The following PTK2 variants were observed in gnomAD, a reference collection of about 807,000 sequenced individuals.
PTK2 encodes protein tyrosine kinase 2.
Under a neutral mutation model 150.1 loss-of-function variants are expected in PTK2, and 45 were observed. The observed-to-expected ratio is 0.30, with a 90% CI of 0.24 to 0.38. The LOEUF (loss-of-function observed/expected upper bound fraction) is 0.38, where lower values mean the gene tolerates loss of function less well. PTK2 is among the 10% of genes least tolerant of loss of function. The pLI is 1.00. For synonymous variants in PTK2, 432 were observed against 449.2 expected (o/e 0.96, Z 0.48); for missense variants, 919 against 1,307.3 (o/e 0.70, Z 4.58).
intron 1 of PTK2, chr8:140,954,813 C>T (rs1028455037): frequency 1.3e-5 from 2 of 152,114 alleles, no homozygotes; most frequent in African/African-American, 4.8e-5. Flanking sequence ...ATTTCTCTTT[C>T]CTCTTTCCAT....
chr8:140,856,566 T>G (rs2100132774), intron 5 of PTK2, among the ~76,000 whole-genome samples: 1 of 152,074 alleles, frequency 6.6e-6, no homozygotes, highest in African/African-American at 2.4e-5. Flanking sequence ...TTCTAAAACA[T>G]GCAAAACTAA....
chr8:140,950,181 G>C (rs763324200), intron 1 of PTK2, among the ~76,000 whole-genome samples: 3 of 152,148 alleles, frequency 2.0e-5, no homozygotes, highest in Non-Finnish European at 1.5e-5. Context: ...AAGAACTCGA[G>C]ACCTGCCAAA....
intron 27 of PTK2, among the ~76,000 whole-genome samples, chr8:140,682,443 T>C (rs146302775): frequency 6.6e-6 from 1 of 152,308 alleles, no homozygotes; most frequent in East Asian, 1.9e-4. Context: ...CTAATATGTG[T>C]ATATATTTCT....
chr8:140,990,225 T>C (rs1387992468), intron 1 of PTK2, among the ~76,000 whole-genome samples: 1 of 138,158 alleles, frequency 7.2e-6, no homozygotes, highest in Admixed American at 7.4e-5. Flanking sequence ...TTAACTCTCC[T>C]TGACCAATTT....
At chr8:140,808,897 T>C (rs1048612155) in intron 10 of PTK2, among the ~76,000 whole-genome samples, 1 of 152,124 alleles carries the variant, frequency 6.6e-6, no homozygotes, top group African/African-American at 2.4e-5. Context: ...CACGCCTGGC[T>C]AATTTTTGTA....
intron 27 of PTK2, among the ~76,000 whole-genome samples, chr8:140,679,812 C>T (rs1435722453): frequency 6.6e-6 from 1 of 152,184 alleles, no homozygotes; most frequent in East Asian, 1.9e-4. Context: ...ACACGGCTTT[C>T]TAGTCAAAGG....
At chr8:140,769,075 C>T (rs2100074067) in intron 14 of PTK2, among the ~76,000 whole-genome samples, 3 of 152,112 alleles carry the variant, frequency 2.0e-5, no homozygotes, top group Admixed American at 2.0e-4. Flanking sequence ...TTTTAAATTT[C>T]TACCTTAAGT....
intron 1 of PTK2, among the ~76,000 whole-genome samples, chr8:140,956,116 T>C (rs1326937747): frequency 6.6e-6 from 1 of 152,248 alleles, no homozygotes; most frequent in South Asian, 2.1e-4. Flanking sequence ...AGGAACCTGA[T>C]ACGTCTAAGA....
chr8:140,860,285 A>T (rs1300164406), intron 5 of PTK2, among the ~76,000 whole-genome samples: 1 of 152,134 alleles, frequency 6.6e-6, no homozygotes, highest in African/African-American at 2.4e-5. Flanking sequence ...TACATGTGTA[A>T]ATCTTATTTC....
At chr8:140,797,077 G>C (rs943251679) in intron 12 of PTK2, among the ~76,000 whole-genome samples, 37 of 152,172 alleles carry the variant, frequency 2.4e-4, no homozygotes, top group African/African-American at 8.7e-4. Flanking sequence ...CAGACAAATG[G>C]GCAGAGTACT....
chr8:140,900,131 C>A (rs975236621), intron 2 of PTK2, among the ~76,000 whole-genome samples: 5 of 151,990 alleles, frequency 3.3e-5, no homozygotes, highest in African/African-American at 1.2e-4. Context: ...ATAAAAGGCA[C>A]CCGAATCGAC....
At chr8:140,701,133 A>C in intron 25 of PTK2, 111 bp from the exon 29 acceptor site, 6 of 1,234,904 alleles carry the variant, frequency 4.9e-6, no homozygotes, top group Non-Finnish European at 5.5e-6. Context: ...AAGTATGAGA[A>C]ACAGGATCTC....
intron 29 of PTK2, 124 bp downstream of exon 33, chr8:140,669,603 G>C (rs2094500497): frequency 1.9e-6 from 2 of 1,044,316 alleles, no homozygotes; most frequent in Non-Finnish European, 2.8e-6. Flanking sequence ...AGTCATGAGA[G>C]GTGACAAAGC....
At chr8:140,783,128 C>T (rs906757478) in intron 14 of PTK2, among the ~76,000 whole-genome samples, 8 of 152,134 alleles carry the variant, frequency 5.3e-5, no homozygotes, top group African/African-American at 1.7e-4. Context: ...GTAGTCCCAG[C>T]TACTTGGGAA....
chr8:140,709,402 C>G, intron 23 of PTK2, among the ~76,000 whole-genome samples: 1 of 152,118 alleles, frequency 6.6e-6, no homozygotes, highest in East Asian at 1.9e-4. Flanking sequence ...AAGGACAACA[C>G]AAAATCAAAT....
intron 20 of PTK2, among the ~76,000 whole-genome samples, chr8:140,741,525 T>G (rs1484185626): frequency 6.6e-6 from 1 of 151,794 alleles, no homozygotes; most frequent in Non-Finnish European, 1.5e-5. Flanking sequence ...CAGGCAATAA[T>G]ATACAGAAGA....
chr8:140,823,874 A>AC (rs2100110337), intron 8 of PTK2, among the ~76,000 whole-genome samples: 3 of 152,212 alleles, frequency 2.0e-5, no homozygotes, highest in Admixed American at 2.0e-4. Flanking sequence ...TTAGACCAGT[A>AC]GCTAAGTCCT....
At chr8:140,784,889 C>T (rs1340879498) in intron 14 of PTK2, among the ~76,000 whole-genome samples, 3 of 152,194 alleles carry the variant, frequency 2.0e-5, no homozygotes, top group Non-Finnish European at 4.4e-5. Flanking sequence ...CATCAACTGT[C>T]ACTGCAATCT....
At chr8:140,944,223 T>TA (rs1208411499) in intron 1 of PTK2, among the ~76,000 whole-genome samples, 26 of 152,330 alleles carry the variant, frequency 1.7e-4, no homozygotes, top group African/African-American at 5.8e-4. Context: ...ACTACACTCT[T>TA]CCCTCAGTAT....
Sources: allele counts gnomAD v4.1 joint callset (sites outside exome capture counted in the v4.1 genomes callset), GRCh38; gene constraint gnomAD v4.1.1; transcripts MANE v1.5; gene names NCBI Gene and HGNC (gene_info 2026-07-23, HGNC 2026-07-21).